Variants in RLF observed in about 807,000 individuals in gnomAD.
RLF encodes RLF zinc finger.
RLF carries 7 observed loss-of-function variants against 162.9 expected under a neutral mutation model. The ratio of observed to expected loss-of-function variants is 0.04; its 90% CI spans 0.02 to 0.08. The LOEUF is 0.08. Ranked by LOEUF, RLF falls within the 10% of genes least tolerant of loss-of-function variation. The pLI, the probability that RLF is intolerant of heterozygous loss-of-function variation, is 1.00. For synonymous variants in RLF, 782 were observed against 791.5 expected (o/e 0.99, Z 0.20); for missense variants, 1,664 against 2,244.7 (o/e 0.74, Z 5.23).
chr1:40,185,843 C>CAAAAAAAAAAAAA (rs33982008), intron 1 of RLF, among the ~76,000 whole-genome samples: 1 of 67,528 alleles, frequency 1.5e-5, no homozygotes, highest in African/African-American at 5.8e-5. Flanking sequence ...AAAAAAAAAG[C>CAAAAAAAAAAAAA]AAAAAAAAAA....
intron 6 of RLF, among the ~76,000 whole-genome samples, chr1:40,226,755 C>G (rs992169821): frequency 2.6e-5 from 4 of 151,974 alleles, no homozygotes; most frequent in Non-Finnish European, 5.9e-5. Context: ...TACTTCATTC[C>G]TAAAATACCT....
In RLF at chr1:40,161,423, C is replaced by G. The variant is rs752116841; in HGVS notation, c.24C>G (p.Ala8=). MADGKGD[A]AAVAGAGAEA... ...AGATGGCGGACGGAAAGGGAGACGC[C>G]GCCGCTGTCGCCGGGGCTGGGGCTG... The change falls in exon 1 of 8, where the codon GCC becomes GCG. Residue 8 remains alanine, a synonymous_variant. Coordinates refer to ENST00000372771, the MANE Select transcript of RLF (RefSeq NM_012421.4). This position sits in a 1 kb window ranked among gnomAD's most constrained non-coding sequence, Gnocchi z 4.4. 2 of 1,548,984 alleles carry G rather than the reference C, an allele frequency of 1.3e-6. No individual in the cohort carries two copies. Among genetic ancestry groups the G allele is most frequent in the South Asian group, 2.4e-5 (2 of 83,720 alleles).
At position 40,221,899 on chromosome 1, in the gene RLF, C is replaced by CAAAAAAAAAAAA. The variant is rs895455745; in HGVS notation, c.811-667_811-656dup. Among the ~76,000 whole-genome samples, 260 of 64,546 alleles carry CAAAAAAAAAAAA rather than the reference C, an allele frequency of 4.0e-3. 1 individual carries two copies. Among genetic ancestry groups the CAAAAAAAAAAAA allele is most frequent in the Non-Finnish European group, 5.7e-3 (196 of 34,140 alleles). 42.3% of individuals were successfully genotyped at this position (64,546 alleles called of 152,430 possible). On this transcript the variant is annotated intron_variant, in intron 5 of 7. Coordinates refer to ENST00000372771, the MANE Select transcript of RLF (RefSeq NM_012421.4). ...TGGGCGACACAGCGAGACTCCGTCT[C>CAAAAAAAAAAAA]AAAAAAAAAAAAAAAAAAAGAGAAA...
At chr1:40,200,851 T>C (rs143704067) in intron 4 of RLF, among the ~76,000 whole-genome samples, 1,586 of 139,608 alleles carry the variant, frequency 0.011, 38 homozygotes, top group African/African-American at 0.04. Flanking sequence ...ATCCTTAGTA[T>C]AAACCATTGC....
chr1:40,191,132 A>T (rs1642551649), intron 3 of RLF, among the ~76,000 whole-genome samples: 1 of 152,256 alleles, frequency 6.6e-6, no homozygotes, highest in African/African-American at 2.4e-5. Flanking sequence ...ATCATACATG[A>T]TTATAAAGTA....
Position 40,235,802 on chromosome 1 carries a change from C to A in RLF, c.1100C>A (p.Ala367Asp). Residue 367 changes from alanine (A) to aspartate (D), a missense_variant, in exon 8 of 8, where the codon GCT becomes GAT. Transcript: ENST00000372771. ...CTCTTTTACTTACAGGCACAAGATGCTGGTCTTGGGGTGTCAATTTTACTG... is the reference window on the plus strand; with the variant it reads ...CTCTTTTACTTACAGGCACAAGATGATGGTCTTGGGGTGTCAATTTTACTG... The part of the protein sequence containing the change: ...IRVIQTEAQD[A>D]GLGVSILLCV... 4 of 1,551,370 alleles carry A rather than the reference C, an allele frequency of 2.6e-6. No homozygotes were observed. The East Asian group carries it at 6.9e-5, about 27-fold the overall frequency.
chr1:40,169,028 CATTT>C (rs1398161749), intron 1 of RLF, among the ~76,000 whole-genome samples: 3 of 152,088 alleles, frequency 2.0e-5, no homozygotes, highest in Non-Finnish European at 2.9e-5. Flanking sequence ...CATAAATAAA[CATTT>C]ATATAATAAA....
At chr1:40,182,726 A>G (rs1260514560) in intron 1 of RLF, among the ~76,000 whole-genome samples, 1 of 149,964 alleles carries the variant, frequency 6.7e-6, no homozygotes, top group African/African-American at 2.5e-5. Flanking sequence ...ATCAGGATGG[A>G]TGAAAAAAGT....
At chr1:40,175,798 A>G (rs576152687) in intron 1 of RLF, among the ~76,000 whole-genome samples, 6 of 150,782 alleles carry the variant, frequency 4.0e-5, no homozygotes, top group African/African-American at 1.5e-4. Flanking sequence ...AAAAAAAAAA[A>G]AAAAGTACAA....
chr1:40,214,292 A>G lies in RLF; in HGVS notation c.811-8282A>G, dbSNP rs1418373907. ...GTCTGAGCTGGAAATTAAGAGTTCTAATCACCATTTGAAACCAGAGAGTGA... is the reference window on the plus strand; with the variant it reads ...GTCTGAGCTGGAAATTAAGAGTTCTGATCACCATTTGAAACCAGAGAGTGA... On this transcript the variant is annotated intron_variant, in intron 5 of 7. Coordinates refer to ENST00000372771, the MANE Select transcript of RLF (RefSeq NM_012421.4). Among the ~76,000 whole-genome samples, 2 of 152,212 alleles carry G rather than the reference A, an allele frequency of 1.3e-5. 1 individual carries two copies. Among genetic ancestry groups the G allele is most frequent in the Non-Finnish European group, 2.9e-5 (2 of 68,028 alleles).
intron 1 of RLF, among the ~76,000 whole-genome samples, chr1:40,162,801 A>T (rs1247012234): frequency 2.0e-5 from 3 of 152,218 alleles, no homozygotes; most frequent in Non-Finnish European, 4.4e-5. Flanking sequence ...ACAACCTGCA[A>T]CATTGCCCTG....
intron 6 of RLF, among the ~76,000 whole-genome samples, chr1:40,229,643 C>T (rs550264469): frequency 1.4e-3 from 209 of 150,104 alleles, no homozygotes; most frequent in Non-Finnish European, 2.5e-3. Context: ...TTAGTAGAGA[C>T]GGGGTTTCAC....
At position 40,161,599 on chromosome 1, in the gene RLF, A is replaced by G. The variant is rs1414880156; in HGVS notation, c.200A>G (p.Glu67Gly). 1 of 1,612,956 alleles carries G rather than the reference A, an allele frequency of 6.2e-7. No homozygotes were observed. The highest frequency in any genetic ancestry group is 8.5e-7 in the Non-Finnish European group (1 of 1,179,558). Reference sequence around the variant, plus strand: ...GAGCTGAGGGAGCAAGAGGTGTCGGAGGTCTCATCTTTGAACTACTGCCGG... The same window carrying G: ...GAGCTGAGGGAGCAAGAGGTGTCGGGGGTCTCATCTTTGAACTACTGCCGG... ...ETELREQEVS[E>G]VSSLNYCRSF... is the part of the protein sequence containing the mutation. The change falls in exon 1 of 8, where the codon GAG becomes GGG. Residue 67 changes from glutamate (E) to glycine (G), a missense_variant. This residue lies in a region of RLF where 134 missense variants were observed against 124.3 expected (regional missense o/e 1.08). Transcript: ENST00000372771. The surrounding 1 kb of genome is among the most constrained non-coding windows in gnomAD (Gnocchi z 4.4).
intron 1 of RLF, among the ~76,000 whole-genome samples, chr1:40,169,292 T>C (rs959045972): frequency 6.6e-6 from 1 of 151,960 alleles, no homozygotes; most frequent in Non-Finnish European, 1.5e-5. Flanking sequence ...TTTCCTAAAC[T>C]GTGTTTCACT....
chr1:40,198,424 C>A (rs969100117), intron 4 of RLF, among the ~76,000 whole-genome samples: 1 of 151,784 alleles, frequency 6.6e-6, no homozygotes, highest in Non-Finnish European at 1.5e-5. Context: ...CCTGCCTCAG[C>A]CTCCCAAGTA....
rs377501351 is a variant in RLF, at chr1:40,218,996, A to G, written c.811-3578A>G. Among the ~76,000 whole-genome samples, 22 of 137,648 alleles carry G rather than the reference A, an allele frequency of 1.6e-4. No individual in the cohort carries two copies. In the East Asian group the frequency reaches 2.1e-3, roughly 13 times the overall value. 90.3% of individuals were successfully genotyped at this position (137,648 alleles called of 152,430 possible). On this transcript the variant is annotated intron_variant, in intron 5 of 7. Coordinates refer to ENST00000372771, the MANE Select transcript of RLF (RefSeq NM_012421.4). The stretch of plus-strand genomic sequence containing the variant: ...AAAAAATTGTTTCAGTATCTTAAGT[A>G]TAAGATGTTTCCTAGATACTCATTA...
intron 1 of RLF, among the ~76,000 whole-genome samples, chr1:40,176,252 G>A (rs1361836024): frequency 1.3e-5 from 2 of 152,112 alleles, no homozygotes; most frequent in Non-Finnish European, 2.9e-5. Context: ...TTTCTTTTGG[G>A]TAAACACCTA....
chr1:40,231,470 A>T, intron 6 of RLF, 47 bp from the exon 7 acceptor site: 5 of 1,580,074 alleles, frequency 3.2e-6, no homozygotes, highest in Non-Finnish European at 4.3e-6. Flanking sequence ...CAGGGCAGCA[A>T]ATACCAGTTA....
intron 5 of RLF, among the ~76,000 whole-genome samples, chr1:40,221,689 T>C (rs61778545): frequency 0.052 from 7,895 of 151,274 alleles, 601 homozygotes; most frequent in African/African-American, 0.17. Context: ...TCACGAGGTC[T>C]GGAGATTGAG....
Sources: gnomAD v4.1 joint callset for allele counts (sites outside exome capture counted in the v4.1 genomes callset) on GRCh38, gnomAD v4.1.1 for gene constraint, gnomAD v4.1.1 regional missense constraint, Gnocchi (gnomAD v3.1) non-coding constraint, MANE v1.5 for transcripts, NCBI Gene and HGNC (gene_info 2026-07-23, HGNC 2026-07-21) for gene names.